Variants in CLDN10 observed in about 807,000 individuals in gnomAD.
The protein encoded by CLDN10 is claudin-10.
Under a neutral mutation model 22.9 loss-of-function variants are expected in CLDN10, and 15 were observed. The ratio of observed to expected loss-of-function variants is 0.65; its 90% CI spans 0.44 to 1.01. The LOEUF (loss-of-function observed/expected upper bound fraction) is 1.01. Ranked by LOEUF, CLDN10 falls within the 50% of genes least tolerant of loss-of-function variation. The pLI is 0.00. For missense variants in CLDN10, 247 were observed against 287.8 expected (o/e 0.86, Z 1.03); for synonymous variants, 114 against 111.4 (o/e 1.02, Z -0.15).
intron 3 of CLDN10, among the ~76,000 whole-genome samples, chr13:95,566,613 C>G (rs545876912): frequency 6.6e-6 from 1 of 152,314 alleles, no homozygotes; most frequent in East Asian, 1.9e-4. Context: ...TGTGCAGAAG[C>G]TCTTTAGTTT....
intron 1 of CLDN10, among the ~76,000 whole-genome samples, chr13:95,502,113 C>T (rs893226331): frequency 4.6e-5 from 7 of 152,074 alleles, no homozygotes; most frequent in Admixed American, 6.6e-5. Flanking sequence ...ATTTTACTTC[C>T]GCACATGTTA....
chr13:95,573,024 T>A (rs1325870453), intron 3 of CLDN10, among the ~76,000 whole-genome samples: 1 of 152,256 alleles, frequency 6.6e-6, no homozygotes, highest in African/African-American at 2.4e-5. Flanking sequence ...TCCAGGTTGG[T>A]GTAGCCCTGG....
At chr13:95,448,170 T>C (rs907502207) in intron 1 of CLDN10, among the ~76,000 whole-genome samples, 6 of 151,516 alleles carry the variant, frequency 4.0e-5, no homozygotes, top group Admixed American at 2.6e-4. Flanking sequence ...ATACACACAA[T>C]CTCTTATCAC....
chr13:95,493,616 T>C (rs1388372909), intron 1 of CLDN10, among the ~76,000 whole-genome samples: 1 of 149,652 alleles, frequency 6.7e-6, no homozygotes, highest in African/African-American at 2.5e-5. Context: ...TGGAGTACAA[T>C]GGCATGATCT....
intron 1 of CLDN10, among the ~76,000 whole-genome samples, chr13:95,440,936 T>C (rs992061381): frequency 6.6e-5 from 10 of 152,210 alleles, no homozygotes; most frequent in Non-Finnish European, 1.2e-4. Context: ...CCTAAAGCAG[T>C]GTGCTGCAGG....
At position 95,577,929 on chromosome 13, in the gene CLDN10, T is replaced by C. The variant is rs2043959775; in HGVS notation, c.602T>C (p.Met201Thr). Residue 201 changes from methionine to threonine, a missense_variant, in exon 5 of 5, where the codon ATG becomes ACG. By Grantham distance (81) the Met-to-Thr change is moderately conservative. Coordinates refer to ENST00000299339, the MANE Select transcript of CLDN10 (RefSeq NM_006984.5). Reference sequence around the variant, plus strand: ...ACATACAACGGGGCCACATCTGTCATGTCTTCTCGGACAAAGTATCATGGT... The same window carrying C: ...ACATACAACGGGGCCACATCTGTCACGTCTTCTCGGACAAAGTATCATGGT... ...RYTYNGATSVMSSRTKYHGGE... is the reference protein window; with the variant it reads ...RYTYNGATSVTSSRTKYHGGE... The C allele has an allele frequency of 1.2e-6, 2 of 1,613,646 alleles. No homozygotes were observed. Among genetic ancestry groups the C allele is most frequent in the Admixed American group, 1.7e-5 (1 of 60,004 alleles).
At chr13:95,464,824 C>T (rs2139093982) in intron 1 of CLDN10, among the ~76,000 whole-genome samples, 1 of 152,168 alleles carries the variant, frequency 6.6e-6, no homozygotes, top group Non-Finnish European at 1.5e-5. Context: ...CTCTGCCTCC[C>T]AGGCTCAAGT....
At chr13:95,536,925 G>T (rs1384733631) in intron 1 of CLDN10, among the ~76,000 whole-genome samples, 1 of 152,188 alleles carries the variant, frequency 6.6e-6, no homozygotes, top group African/African-American at 2.4e-5. Flanking sequence ...AAATTTCACA[G>T]CTGCTGTAAG....
intron 1 of CLDN10, among the ~76,000 whole-genome samples, chr13:95,484,733 G>T (rs2042785000): frequency 6.6e-6 from 1 of 151,390 alleles, no homozygotes; most frequent in Non-Finnish European, 1.5e-5. Context: ...AGGTGTGGTG[G>T]CAAGCACCTG....
At chr13:95,559,588 G>A (rs375257670) in intron 1 of CLDN10, among the ~76,000 whole-genome samples, 19 of 152,132 alleles carry the variant, frequency 1.2e-4, no homozygotes, top group Admixed American at 1.3e-4. Context: ...ATTAATAAGC[G>A]TCCACTAATA....
intron 1 of CLDN10, among the ~76,000 whole-genome samples, chr13:95,538,187 A>C (rs2043421780): frequency 9.4e-6 from 1 of 105,950 alleles, no homozygotes; most frequent in African/African-American, 3.7e-5. Flanking sequence ...TTTTTGAGAC[A>C]TGCAATGGCA....
At chr13:95,570,858 GTATATA>G (rs55861640) in intron 3 of CLDN10, among the ~76,000 whole-genome samples, 3,031 of 119,584 alleles carry the variant, frequency 0.025, 83 homozygotes, top group Middle Eastern at 0.059. Flanking sequence ...ATATACGTGT[GTATATA>G]TATATATATA....
intron 1 of CLDN10, among the ~76,000 whole-genome samples, chr13:95,555,057 T>G (rs201387152): frequency 2.0e-4 from 30 of 147,168 alleles, no homozygotes; most frequent in Admixed American, 4.7e-4. Context: ...GTTTTTTTTT[T>G]TTTTTTTTTT....
chr13:95,495,743 CAA>C (rs71722865), intron 1 of CLDN10, among the ~76,000 whole-genome samples: 4 of 85,696 alleles, frequency 4.7e-5, no homozygotes, highest in Admixed American at 1.4e-4. Flanking sequence ...GACTCCACCT[CAA>C]AAAAAAAAAA....
Position 95,485,067 on chromosome 13 carries a change from A to T in CLDN10, c.214+51020A>T, listed in dbSNP as rs370629552. Among the ~76,000 whole-genome samples the T allele has an allele frequency of 1.8e-3, 270 of 152,176 alleles. 5 individuals carry two copies. In the South Asian group the frequency reaches 0.052, roughly 30 times the overall value. On this transcript the variant is annotated intron_variant, in intron 1 of 4. Transcript: ENST00000376873. ...AGATGGGCAGCAGGTAATTAGTCAC[A>T]TATGCTCATGGCCCAGGGAAGGACG... is the stretch of plus-strand genomic sequence containing the variant.
upstream of CLDN10, among the ~76,000 whole-genome samples, chr13:95,552,246 C>T (rs1186606989): frequency 1.3e-5 from 2 of 152,224 alleles, no homozygotes; most frequent in Non-Finnish European, 2.9e-5. Context: ...GCACGCAAAC[C>T]TTTAGAGTTC....
At chr13:95,560,095 T>A in intron 1 of CLDN10, 37 bp from the exon 2 acceptor site, 1 of 1,564,348 alleles carries the variant, frequency 6.4e-7, no homozygotes. Flanking sequence ...GACAGCCACA[T>A]GCTTTATGTA....
Position 95,577,220 on chromosome 13 carries a change from C to T in CLDN10, c.465-11C>T, listed in dbSNP as rs1424356025. Reference sequence around the variant, plus strand: ...AGTGAGCTGTAATACTTGTGTAATGCTTTCTCACAGGTATGAATTAGGAGC... The same window carrying T: ...AGTGAGCTGTAATACTTGTGTAATGTTTTCTCACAGGTATGAATTAGGAGC... On this transcript the variant is annotated splice_polypyrimidine_tract_variant and intron_variant, in intron 3 of 4. Coordinates refer to ENST00000299339, the MANE Select transcript of CLDN10 (RefSeq NM_006984.5). 4.4e-6 allele frequency: 7 copies of T among 1,577,216 alleles called. No homozygotes were observed. In the African/African-American group the frequency reaches 8.1e-5, roughly 18 times the overall value.
In CLDN10 at chr13:95,552,765, G is replaced by T. The variant is rs144714087; in HGVS notation, c.12G>T (p.Thr4=). 1.4e-4 allele frequency: 232 copies of T among 1,611,910 alleles called. No individual in the cohort carries two copies. The highest frequency in any genetic ancestry group is 1.8e-4 in the Non-Finnish European group (214 of 1,179,628). The change falls in exon 1 of 5, where the codon ACG becomes ACT. Residue 4 remains threonine, a synonymous_variant. Coordinates refer to ENST00000299339, the MANE Select transcript of CLDN10 (RefSeq NM_006984.5). MAS[T]ASEIIAFMVS... is the part of the protein sequence containing the mutation. Reference sequence around the variant, plus strand: ...CTGCAGCCGGCGGCATGGCTAGCACGGCTTCGGAGATCATCGCCTTCATGG... The same window carrying T: ...CTGCAGCCGGCGGCATGGCTAGCACTGCTTCGGAGATCATCGCCTTCATGG...
Sources: allele counts gnomAD v4.1 joint callset (sites outside exome capture counted in the v4.1 genomes callset), GRCh38; gene constraint gnomAD v4.1.1; transcripts MANE v1.5; gene names NCBI Gene and HGNC (gene_info 2026-07-23, HGNC 2026-07-21).